The following OTUD7A variants were observed in gnomAD, a reference collection of about 807,000 sequenced individuals.
The protein encoded by OTUD7A is OTU deubiquitinase 7A.
OTUD7A carries 12 observed loss-of-function variants against 65.7 expected under a neutral mutation model. The ratio of observed to expected loss-of-function variants is 0.18; its 90% CI spans 0.12 to 0.30. The LOEUF (loss-of-function observed/expected upper bound fraction) is 0.30, where lower values mean the gene tolerates loss of function less well. OTUD7A is among the 10% of genes least tolerant of loss of function. The pLI, the probability that OTUD7A is intolerant of heterozygous loss-of-function variation, is 1.00. For missense variants in OTUD7A, 1,148 were observed against 1,304.8 expected (o/e 0.88, Z 1.85); for synonymous variants, 641 against 586.3 (o/e 1.09, Z -1.35).
chr15:31,659,504 C>A (rs1892097296), intron 1 of OTUD7A, among the ~76,000 whole-genome samples: 1 of 152,218 alleles, frequency 6.6e-6, no homozygotes. Context: ...TCGACATAAA[C>A]AACATTTTAG....
intron 1 of OTUD7A, among the ~76,000 whole-genome samples, chr15:31,769,090 G>A (rs980122558): frequency 3.3e-5 from 5 of 152,112 alleles, no homozygotes; most frequent in Admixed American, 6.5e-5. Context: ...TTAAAAATAA[G>A]ACTCAACAAT....
At chr15:31,609,711 C>T (rs1438073622) in intron 3 of OTUD7A, among the ~76,000 whole-genome samples, 1 of 152,192 alleles carries the variant, frequency 6.6e-6, no homozygotes, top group Non-Finnish European at 1.5e-5. Flanking sequence ...CCTCTCCATA[C>T]TAGCACAGCT....
At chr15:31,607,157 G>A (rs1890261424) in intron 3 of OTUD7A, among the ~76,000 whole-genome samples, 1 of 152,232 alleles carries the variant, frequency 6.6e-6, no homozygotes. Flanking sequence ...AGCATTTGGA[G>A]TTACTTTCCC....
At chr15:31,819,272 A>G (rs1263684662) in intron 1 of OTUD7A, among the ~76,000 whole-genome samples, 2 of 152,198 alleles carry the variant, frequency 1.3e-5, no homozygotes, top group Non-Finnish European at 1.5e-5. Flanking sequence ...GCTTAGGGGG[A>G]AAAGTATAAC....
chr15:31,817,236 CAGT>C (rs1896572343), intron 1 of OTUD7A, among the ~76,000 whole-genome samples: 1 of 150,884 alleles, frequency 6.6e-6, no homozygotes. Context: ...TATTCACATC[CAGT>C]TTCTCCTGTT....
intron 3 of OTUD7A, among the ~76,000 whole-genome samples, chr15:31,619,552 T>C (rs1890709062): frequency 1.2e-5 from 1 of 82,448 alleles, no homozygotes; most frequent in Non-Finnish European, 2.3e-5. Context: ...GGGAGTTCAC[T>C]CATGATTTGG....
At chr15:31,741,873 A>G (rs1321997403) in intron 1 of OTUD7A, among the ~76,000 whole-genome samples, 2 of 152,136 alleles carry the variant, frequency 1.3e-5, no homozygotes, top group African/African-American at 2.4e-5. Flanking sequence ...TATGGTAGAC[A>G]GGACCAAGAA....
At chr15:31,635,188 T>G (rs9302196) in intron 3 of OTUD7A, among the ~76,000 whole-genome samples, 43,225 of 151,734 alleles carry the variant, frequency 0.28, 7,208 homozygotes, top group African/African-American at 0.47. Context: ...GACCCACTGC[T>G]AGTCCTTCCC....
chr15:31,771,739 T>C (rs1379319113), intron 1 of OTUD7A, among the ~76,000 whole-genome samples: 1 of 152,282 alleles, frequency 6.6e-6, no homozygotes, highest in Non-Finnish European at 1.5e-5. Flanking sequence ...CCAAAGTCAC[T>C]AGCATGGCTT....
intron 1 of OTUD7A, among the ~76,000 whole-genome samples, chr15:31,661,536 C>T (rs538673855): frequency 4.1e-4 from 62 of 152,170 alleles, no homozygotes; most frequent in Non-Finnish European, 7.1e-4. Context: ...AGCCAATGTA[C>T]CCATGCCTCA....
chr15:31,741,292 T>G (rs913490436), intron 1 of OTUD7A, among the ~76,000 whole-genome samples: 2 of 152,142 alleles, frequency 1.3e-5, no homozygotes, highest in Non-Finnish European at 2.9e-5. Flanking sequence ...AACAAGGATA[T>G]AGAAAAAGTA....
At chr15:31,716,465 C>T (rs1893588661) in intron 1 of OTUD7A, among the ~76,000 whole-genome samples, 1 of 116,882 alleles carries the variant, frequency 8.6e-6, no homozygotes, top group East Asian at 2.9e-4. Flanking sequence ...GAGCAAATGA[C>T]GTGTGAGTGG....
At chr15:31,646,423 T>G (rs1029649191) in intron 3 of OTUD7A, among the ~76,000 whole-genome samples, 2 of 151,560 alleles carry the variant, frequency 1.3e-5, no homozygotes, top group African/African-American at 2.4e-5. Context: ...TCTCTCTTCC[T>G]TTCCTTTCCC....
intron 1 of OTUD7A, among the ~76,000 whole-genome samples, chr15:31,816,715 T>TA (rs1365080066): frequency 2.6e-5 from 4 of 151,948 alleles, no homozygotes; most frequent in Non-Finnish European, 5.9e-5. Context: ...AATCACATGT[T>TA]AAACATACAC....
rs567934801 is a variant in OTUD7A at position 31,480,625 on chromosome 15, C to T, written c.*2669G>A. On this transcript the variant is annotated 3_prime_UTR_variant, in exon 13 of 13. Transcript: ENST00000307050. Reference sequence around the variant, plus strand: ...TTCTGGCCAGCCTGCTGAAGTTGGTCTCTGGCCAGGGACGAGGTCTACACG... The same window carrying T: ...TTCTGGCCAGCCTGCTGAAGTTGGTTTCTGGCCAGGGACGAGGTCTACACG... 4 of 151,022 alleles carry T rather than the reference C, an allele frequency of 2.6e-5. No individual in the cohort carries two copies. Among genetic ancestry groups the T allele is most frequent in the Non-Finnish European group, 5.9e-5 (4 of 67,602 alleles). 9.4% of individuals were successfully genotyped at this position (151,022 alleles called of 1,614,324 possible).
At chr15:31,602,076 AAG>A (rs1890093329) in intron 3 of OTUD7A, among the ~76,000 whole-genome samples, 1 of 152,212 alleles carries the variant, frequency 6.6e-6, no homozygotes, top group Admixed American at 6.5e-5. Context: ...TCAATAGAAA[AAG>A]AGAGAGTCCT....
At chr15:31,605,312 T>C (rs982762088) in intron 3 of OTUD7A, among the ~76,000 whole-genome samples, 6 of 152,088 alleles carry the variant, frequency 3.9e-5, no homozygotes, top group African/African-American at 1.4e-4. Context: ...GCCACAGACA[T>C]CAAGGACCCT....
chr15:31,649,364 C>T (rs1215335454), intron 3 of OTUD7A, among the ~76,000 whole-genome samples: 1 of 152,150 alleles, frequency 6.6e-6, no homozygotes. Context: ...TATTGGCCTC[C>T]CTCTGCTGTA....
intron 1 of OTUD7A, among the ~76,000 whole-genome samples, chr15:31,798,743 C>T (rs989281552): frequency 5.9e-5 from 9 of 152,208 alleles, no homozygotes; most frequent in Admixed American, 1.3e-4. Flanking sequence ...AGGGCATCAG[C>T]TACGTTGTTC....
Sources: allele counts gnomAD v4.1 joint callset (sites outside exome capture counted in the v4.1 genomes callset), GRCh38; gene constraint gnomAD v4.1.1; transcripts MANE v1.5; gene names NCBI Gene and HGNC (gene_info 2026-07-23, HGNC 2026-07-21).